ERFL: variants seen among roughly 807,000 people sequenced by gnomAD.
ERFL encodes the protein ETS repressor factor like.
ERFL carries 8 observed loss-of-function variants against 27.9 expected under a neutral mutation model. The ratio of observed to expected loss-of-function variants is 0.29; its 90% CI spans 0.17 to 0.52. The LOEUF is 0.52. ERFL is among the 20% of genes least tolerant of loss of function. The probability of loss-of-function intolerance (pLI) is 0.97; values close to 1 mark genes in which losing one functional copy is unlikely to be tolerated. For synonymous variants in ERFL, 174 were observed against 202.8 expected (o/e 0.86, Z 1.21); for missense variants, 294 against 444.4 (o/e 0.66, Z 3.04).
chr19:41,916,688 C>T lies in ERFL; in HGVS notation c.-13-3756G>A, dbSNP rs2074803501. ...CAACCAAGCACCACCGACCCTCGAG[C>T]GCATACATATGCACTTGGTCACGCA... On this transcript the variant is annotated intron_variant, in intron 1 of 5. Coordinates refer to ENST00000597630, the MANE Select transcript of ERFL (RefSeq NM_001365103.2). This position sits in a 1 kb window ranked among gnomAD's most constrained non-coding sequence, Gnocchi z 5.4. Among the ~76,000 whole-genome samples the T allele has an allele frequency of 1.3e-5, 2 of 151,934 alleles. No individual in the cohort carries two copies. The highest frequency in any genetic ancestry group is 4.2e-4 in the South Asian group (2 of 4,800).
rs1568831605 is a variant in ERFL, at chr19:41,914,578, TC to T, written c.-13-1647del. ...CCCTTCCACCATCTCTGTCTCCGTC[TC>T]TCCCTCCCTTTCCACCATCTCTGTC... On this transcript the variant is annotated intron_variant, in intron 1 of 5. Transcript: ENST00000597630. Among the ~76,000 whole-genome samples the T allele has an allele frequency of 3.7e-4, 35 of 93,566 alleles. 9 individuals carry two copies. The highest frequency in any genetic ancestry group is 1.3e-3 in the African/African-American group (31 of 23,036). 61.4% of individuals were successfully genotyped at this position (93,566 alleles called of 152,430 possible).
rs1433832597 is a variant in ERFL at position 41,914,829 on chromosome 19, C to G, written c.-13-1897G>C. Among the ~76,000 whole-genome samples, 3 of 32,186 alleles carry G rather than the reference C, an allele frequency of 9.3e-5. 1 individual carries two copies. Among genetic ancestry groups the G allele is most frequent in the Non-Finnish European group, 2.8e-4 (3 of 10,848 alleles). 21.1% of individuals were successfully genotyped at this position (32,186 alleles called of 152,430 possible). A position where few individuals can be genotyped will look rare whatever the true frequency, so the allele number is the denominator to read the frequency against. On this transcript the variant is annotated intron_variant, in intron 1 of 5. Transcript: ENST00000597630. ...CCTCCCCCTCCACCGTGTCTCCCCC[C>G]CTTTCCACCGTCTCTGTCTCTCCCC...
chr19:41,913,385 C>G (rs1410692199), intron 1 of ERFL, among the ~76,000 whole-genome samples: 1 of 151,884 alleles, frequency 6.6e-6, no homozygotes, highest in Non-Finnish European at 1.5e-5. Context: ...CTCTGTCTCT[C>G]TCTCTGGCTG....
Position 41,908,048 on chromosome 19 carries a change from C to G in ERFL, c.*180G>C, listed in dbSNP as rs1371701949. 2.2e-6 allele frequency: 1 copy of G among 450,896 alleles called. No individual in the cohort carries two copies. The highest frequency in any genetic ancestry group is 2.0e-5 in the African/African-American group (1 of 49,470). 27.9% of individuals were successfully genotyped at this position (450,896 alleles called of 1,614,324 possible). On this transcript the variant is annotated 3_prime_UTR_variant, in exon 6 of 6. Transcript: ENST00000597630. This position sits in a 1 kb window ranked among gnomAD's most constrained non-coding sequence, Gnocchi z 6.7. Reference sequence around the variant, plus strand: ...CGGAGGCCATCACATTCCCTCTGTCCTCTGTGGAGGGGGAAGTGAGACCCC... The same window carrying G: ...CGGAGGCCATCACATTCCCTCTGTCGTCTGTGGAGGGGGAAGTGAGACCCC...
Position 41,922,290 on chromosome 19 carries a change from G to A in ERFL, c.-14+5750C>T, listed in dbSNP as rs982232335. ...ATCCAGATTAAACTGTGCTCAGCAG[G>A]GAATCAGGGAGACAGAGATAGCAGA... On this transcript the variant is annotated intron_variant, in intron 1 of 5. Transcript: ENST00000597630. 2.6e-5 allele frequency among the ~76,000 whole-genome samples: 4 copies of A among 152,220 alleles called. No individual in the cohort carries two copies. In the East Asian group the frequency reaches 7.7e-4, roughly 29 times the overall value.
In ERFL at chr19:41,910,992, C is replaced by T. The variant is rs2074748446; in HGVS notation, c.68-895G>A. On this transcript the variant is annotated intron_variant, in intron 2 of 5. Coordinates refer to ENST00000597630, the MANE Select transcript of ERFL (RefSeq NM_001365103.2). The surrounding 1 kb of genome is among the most constrained non-coding windows in gnomAD (Gnocchi z 4.4). ...CAACACAAATGCCTGACAAGACACA[C>T]ACAGGACCCCAAATGCCCAAAGAAC... Among the ~76,000 whole-genome samples, 1 of 152,316 alleles carries T rather than the reference C, an allele frequency of 6.6e-6. No homozygotes were observed. Among genetic ancestry groups the T allele is most frequent in the Admixed American group, 6.5e-5 (1 of 15,302 alleles).
rs1434208780 is a variant in ERFL, at chr19:41,921,231, A to G, written c.-14+6809T>C. 1.3e-5 allele frequency among the ~76,000 whole-genome samples: 2 copies of G among 152,018 alleles called. No homozygotes were observed. The highest frequency in any genetic ancestry group is 4.8e-5 in the African/African-American group (2 of 41,358). ...CGCCTCCCCTCAGAGACCCAGAGAG[A>G]TGGAGGAACTGGAGGTTGGGGTGGG... On this transcript the variant is annotated intron_variant, in intron 1 of 5. Transcript: ENST00000597630. The surrounding 1 kb of genome is among the most constrained non-coding windows in gnomAD (Gnocchi z 4.4).
chr19:41,927,231 G>A (rs1474550589), intron 1 of ERFL, among the ~76,000 whole-genome samples: 1 of 152,132 alleles, frequency 6.6e-6, no homozygotes, highest in Non-Finnish European at 1.5e-5. Flanking sequence ...GCAGGGCCCT[G>A]CGACAGTGGT....
Position 41,909,758 on chromosome 19 carries a change from C to A in ERFL, c.302+105G>T. On this transcript the variant is annotated intron_variant, in intron 3 of 5. Coordinates refer to ENST00000597630, the MANE Select transcript of ERFL (RefSeq NM_001365103.2). This position sits in a 1 kb window ranked among gnomAD's most constrained non-coding sequence, Gnocchi z 5.2. Reference sequence around the variant, plus strand: ...GTGGCTACTCACGCACAGCCCTGTGCCTTGTGGGATCCAGCAGGAACCTGC... The same window carrying A: ...GTGGCTACTCACGCACAGCCCTGTGACTTGTGGGATCCAGCAGGAACCTGC... 1 of 1,284,564 alleles carries A rather than the reference C, an allele frequency of 7.8e-7. No individual in the cohort carries two copies. The allele number at this position is 1,284,564 out of a possible 1,614,324, so 79.6% of individuals were successfully genotyped here.
chr19:41,909,465 G>A lies in ERFL; in HGVS notation c.309C>T (p.Tyr103=), dbSNP rs1006539912. 6.4e-6 allele frequency: 8 copies of A among 1,242,572 alleles called. No homozygotes were observed. The highest frequency in any genetic ancestry group is 4.6e-5 in the African/African-American group (3 of 64,552). 77.0% of individuals were successfully genotyped at this position (1,242,572 alleles called of 1,614,324 possible). A position where few individuals can be genotyped will look rare whatever the true frequency, so the allele number is the denominator to read the frequency against. Residue 103 remains tyrosine (Y), a synonymous_variant, in exon 4 of 6, where the codon TAC becomes TAT. Coordinates refer to ENST00000597630, the MANE Select transcript of ERFL (RefSeq NM_001365103.2). This position sits in a 1 kb window ranked among gnomAD's most constrained non-coding sequence, Gnocchi z 5.2. ...TCTTGTGGAGAATCCGCTTGTTGTA[G>A]TAGTAACTGTGGGGAGAGTGGTGGT... The part of the protein sequence containing the change: ...YDKLSRALRY[Y]YNKRILHKTK...
At position 41,917,121 on chromosome 19, in the gene ERFL, G is replaced by A. The variant is rs113666075; in HGVS notation, c.-13-4189C>T. Among the ~76,000 whole-genome samples, 1,303 of 152,170 alleles carry A rather than the reference G, an allele frequency of 8.6e-3. 19 individuals carry two copies. The highest frequency in any genetic ancestry group is 0.03 in the African/African-American group (1,244 of 41,488). ...GTCTCTCTCAGCCCCTTCGGGTGTC[G>A]GCGCATCTTTCTGTCTGTCTCTGTC... On this transcript the variant is annotated intron_variant, in intron 1 of 5. Coordinates refer to ENST00000597630, the MANE Select transcript of ERFL (RefSeq NM_001365103.2). This position sits in a 1 kb window ranked among gnomAD's most constrained non-coding sequence, Gnocchi z 4.8.
chr19:41,911,980 C>T (rs1033431712), intron 2 of ERFL, among the ~76,000 whole-genome samples: 2 of 151,970 alleles, frequency 1.3e-5, no homozygotes, highest in African/African-American at 4.8e-5. Context: ...GCATCCCCCC[C>T]ACAGCCCCAA....
chr19:41,926,439 TAGAC>T (rs1379376015), intron 1 of ERFL, among the ~76,000 whole-genome samples: 20 of 152,022 alleles, frequency 1.3e-4, no homozygotes, highest in African/African-American at 3.4e-4. Context: ...GGTGCATTGA[TAGAC>T]AGGTGTGAAA....
At position 41,917,637 on chromosome 19, in the gene ERFL, C is replaced by T; in HGVS notation, c.-13-4705G>A. The stretch of plus-strand genomic sequence containing the variant: ...CGCCCCCGCATGCACACACCATGCC[C>T]CAAAGCACACGCACGCACGCACACA... On this transcript the variant is annotated intron_variant, in intron 1 of 5. Transcript: ENST00000597630. This position sits in a 1 kb window ranked among gnomAD's most constrained non-coding sequence, Gnocchi z 4.8. Among the ~76,000 whole-genome samples, 1 of 151,722 alleles carries T rather than the reference C, an allele frequency of 6.6e-6. No homozygotes were observed. Among genetic ancestry groups the T allele is most frequent in the East Asian group, 1.9e-4 (1 of 5,196 alleles).
intron 1 of ERFL, among the ~76,000 whole-genome samples, chr19:41,914,378 C>T (rs1555851573): frequency 2.0e-5 from 3 of 151,466 alleles, no homozygotes; most frequent in African/African-American, 7.3e-5. Context: ...GGTCTCTCTC[C>T]CCACCTCACT....
rs987028721 is a variant in ERFL, at chr19:41,921,311, G to A, written c.-14+6729C>T. On this transcript the variant is annotated intron_variant, in intron 1 of 5. Transcript: ENST00000597630. This position sits in a 1 kb window ranked among gnomAD's most constrained non-coding sequence, Gnocchi z 4.4. ...GGAAGAGAGACCGAGGGGGTGGAGC[G>A]TGATACATGGAGAACTGAGAGGAAG... Among the ~76,000 whole-genome samples the A allele has an allele frequency of 3.3e-5, 5 of 152,176 alleles. No homozygotes were observed. Among genetic ancestry groups the A allele is most frequent in the African/African-American group, 9.7e-5 (4 of 41,430 alleles).
At chr19:41,919,024 C>G (rs1205451098) in intron 1 of ERFL, among the ~76,000 whole-genome samples, 1 of 151,410 alleles carries the variant, frequency 6.6e-6, no homozygotes, top group Non-Finnish European at 1.5e-5. Flanking sequence ...CACCATGCCA[C>G]AGACACTATA....
At chr19:41,914,570 TCTCC>T in intron 1 of ERFL, among the ~76,000 whole-genome samples, 1 of 26,792 alleles carries the variant, frequency 3.7e-5, no homozygotes, top group Non-Finnish European at 7.9e-5. Flanking sequence ...ACCATCTCTG[TCTCC>T]GTCTCTCCCT....
intron 1 of ERFL, among the ~76,000 whole-genome samples, chr19:41,922,613 G>A (rs1180075865): frequency 6.6e-6 from 1 of 152,134 alleles, no homozygotes; most frequent in Admixed American, 6.5e-5. Flanking sequence ...CGAGGGACGA[G>A]GGACCAGAGG....
Sources: allele counts gnomAD v4.1 joint callset (sites outside exome capture counted in the v4.1 genomes callset), GRCh38; gene constraint gnomAD v4.1.1; non-coding constraint Gnocchi (gnomAD v3.1); transcripts MANE v1.5; gene names NCBI Gene and HGNC (gene_info 2026-07-23, HGNC 2026-07-21).